KYAT3: variants seen among roughly 807,000 people sequenced by gnomAD.
The protein encoded by KYAT3 is kynurenine--oxoglutarate transaminase 3.
In KYAT3, 50 loss-of-function variants were observed where a neutral mutation model predicts 59.0. The observed-to-expected ratio is 0.85, with a 90% confidence interval of 0.68 to 1.07. The LOEUF (loss-of-function observed/expected upper bound fraction) is 1.07, where lower values mean the gene tolerates loss of function less well. Ranked by LOEUF, KYAT3 falls within the 50% of genes least tolerant of loss-of-function variation. KYAT3 has a pLI of 0.00. For missense variants in KYAT3, 497 were observed against 533.3 expected (o/e 0.93, Z 0.67); for synonymous variants, 148 against 177.0 (o/e 0.84, Z 1.30).
chr1:88,936,132 A>G lies in KYAT3; in HGVS notation c.*51T>C. Reference sequence around the variant, plus strand: ...ATCCAGCAGGTGGCAGCACTAAGTAACAATTCCATACTAGGTCATCTAACA... The same window carrying G: ...ATCCAGCAGGTGGCAGCACTAAGTAGCAATTCCATACTAGGTCATCTAACA... On this transcript the variant is annotated 3_prime_UTR_variant, in exon 14 of 14. Transcript: ENST00000260508. 1 of 1,247,760 alleles carries G rather than the reference A, an allele frequency of 8.0e-7. No homozygotes were observed. The highest frequency in any genetic ancestry group is 1.4e-5 in the South Asian group (1 of 73,598). The allele number at this position is 1,247,760 out of a possible 1,614,324, so 77.3% of individuals were successfully genotyped here. A position where few individuals can be genotyped will look rare whatever the true frequency, so the allele number is the denominator to read the frequency against.
chr1:88,928,304 C>A, the KYAT3 span, among the ~76,000 whole-genome samples: 1 of 151,818 alleles, frequency 6.6e-6, no homozygotes, highest in South Asian at 2.1e-4. Flanking sequence ...AGGCCTGGAG[C>A]AAAACTTAGA....
chr1:88,948,716 A>T (rs1161865336), intron 11 of KYAT3, among the ~76,000 whole-genome samples: 1 of 152,160 alleles, frequency 6.6e-6, no homozygotes, highest in Non-Finnish European at 1.5e-5. Context: ...ATTTCTAGAT[A>T]TTTTTCTAAT....
chr1:88,949,210 G>T lies in KYAT3; in HGVS notation c.1022C>A (p.Ser341Tyr), dbSNP rs765258924. 6.2e-7 allele frequency: 1 copy of T among 1,609,576 alleles called. No individual in the cohort carries two copies. Among genetic ancestry groups the T allele is most frequent in the Non-Finnish European group, 8.5e-7 (1 of 1,178,432 alleles). Residue 341 changes from serine to tyrosine, a missense_variant, in exon 11 of 14, where the codon TCT becomes TAT. Physicochemically the swap from Ser to Tyr is moderately radical, Grantham distance 144. Transcript: ENST00000260508. ...RMDDPECYFN[S>Y]LPKELEVKRD... ...TTTTACTTCTAACTCTTTTGGCAAA[G>T]AATTAAAGTAACATTCTGGGTCATC...
chr1:88,992,009 T>G (rs6675968), intron 1 of KYAT3, among the ~76,000 whole-genome samples: 28,022 of 147,956 alleles, frequency 0.19, 3,257 homozygotes, highest in East Asian at 0.37. Flanking sequence ...GACGGAGTCT[T>G]GCTCTGTCGC....
intron 4 of KYAT3, 117 bp from the exon 5 acceptor site, chr1:88,965,095 C>T (rs1342084142): frequency 1.4e-6 from 1 of 723,486 alleles, no homozygotes; most frequent in Admixed American, 3.5e-5. Flanking sequence ...TTTATAATTA[C>T]CCCAAGAAAA....
chr1:88,957,325 C>T (rs535271012), intron 8 of KYAT3, among the ~76,000 whole-genome samples: 1 of 152,152 alleles, frequency 6.6e-6, no homozygotes, highest in South Asian at 2.1e-4. Context: ...CAAAATACTC[C>T]AAAAGAACAC....
chr1:88,922,179 C>T, the KYAT3 span, among the ~76,000 whole-genome samples: 1 of 152,054 alleles, frequency 6.6e-6, no homozygotes, highest in Non-Finnish European at 1.5e-5. Context: ...ACCACTGCAC[C>T]ACTGCACTGT....
rs149509162 is a variant in KYAT3, at chr1:88,969,478, T to C, written c.100-11A>G. On this transcript the variant is annotated splice_polypyrimidine_tract_variant and intron_variant, in intron 2 of 13. Transcript: ENST00000260508. ...TTTCAGTGACATTTTCTGAAATATA[T>C]AAATATTGAAAAGGAATTGCCTTAG... 2.0e-6 allele frequency: 3 copies of C among 1,523,440 alleles called. No individual in the cohort carries two copies. The highest frequency in any genetic ancestry group is 1.1e-5 in the South Asian group (1 of 87,656). The allele number at this position is 1,523,440 out of a possible 1,614,324, so 94.4% of individuals were successfully genotyped here. A position where few individuals can be genotyped will look rare whatever the true frequency, so the allele number is the denominator to read the frequency against.
intron 11 of KYAT3, 68 bp downstream of exon 11, chr1:88,949,023 T>C: frequency 7.7e-7 from 1 of 1,304,996 alleles, no homozygotes; most frequent in Non-Finnish European, 1.0e-6. Flanking sequence ...CAATCTTTTC[T>C]CCATAATTCT....
chr1:88,981,856 A>G (rs888621768), intron 2 of KYAT3: 1 of 624,134 alleles, frequency 1.6e-6, no homozygotes, highest in East Asian at 1.4e-4. Context: ...AGATAAATTC[A>G]TTGCTTATCT....
At chr1:88,968,855 T>C in intron 3 of KYAT3, 41 bp from the exon 4 acceptor site, 1 of 1,465,134 alleles carries the variant, frequency 6.8e-7, no homozygotes, top group African/African-American at 1.5e-5. Flanking sequence ...AGTTCTACAA[T>C]TATAAAGTTC....
At chr1:88,955,094 AAAAT>A in intron 9 of KYAT3, 51 bp downstream of exon 9, 1 of 1,215,796 alleles carries the variant, frequency 8.2e-7, no homozygotes. Context: ...CACTCAACAA[AAAAT>A]AAATAATATA....
Position 88,953,160 on chromosome 1 carries a change from A to G in KYAT3, c.865-8T>C. 6.3e-7 allele frequency: 1 copy of G among 1,588,858 alleles called. No individual in the cohort carries two copies. Among genetic ancestry groups the G allele is most frequent in the Non-Finnish European group, 8.6e-7 (1 of 1,157,778 alleles). Reference sequence around the variant, plus strand: ...ACCAATGGACCAGCCAAGCTGGGAAAGGAAAAGATAAAAGATTTCAGAAAA... The same window carrying G: ...ACCAATGGACCAGCCAAGCTGGGAAGGGAAAAGATAAAAGATTTCAGAAAA... On this transcript the variant is annotated splice_polypyrimidine_tract_variant and splice_region_variant and intron_variant, in intron 9 of 13. Transcript: ENST00000260508.
chr1:88,983,320 T>G, intron 2 of KYAT3: 1 of 1,586,426 alleles, frequency 6.3e-7, no homozygotes, highest in Non-Finnish European at 8.6e-7. Flanking sequence ...TGCGAACTAG[T>G]CCTGAAGGTG....
intron 13 of KYAT3, among the ~76,000 whole-genome samples, chr1:88,942,682 C>CCTCCCTA (rs1675286217): frequency 6.6e-6 from 1 of 152,038 alleles, no homozygotes; most frequent in South Asian, 2.1e-4. Flanking sequence ...CCTGCCTCAG[C>CCTCCCTA]CTCCCTAGTA....
At chr1:88,940,106 A>G (rs4130217) in intron 13 of KYAT3, among the ~76,000 whole-genome samples, 5,796 of 152,074 alleles carry the variant, frequency 0.038, 319 homozygotes, top group African/African-American at 0.12. Flanking sequence ...GTCTGACTCC[A>G]TCACCCAGGC....
intron 9 of KYAT3, among the ~76,000 whole-genome samples, chr1:88,953,619 G>C (rs1054778178): frequency 6.6e-6 from 1 of 150,986 alleles, no homozygotes; most frequent in African/African-American, 2.4e-5. Flanking sequence ...TTTCAATGGT[G>C]TTCTTTTCAA....
chr1:88,937,327 C>T (rs17130657), intron 13 of KYAT3, among the ~76,000 whole-genome samples: 2 of 151,888 alleles, frequency 1.3e-5, no homozygotes, highest in East Asian at 1.9e-4. Flanking sequence ...AAGCCTGAAC[C>T]GGGAAAAGGG....
At chr1:88,983,064 A>T (rs749896696) in intron 2 of KYAT3, 1 of 1,612,562 alleles carries the variant, frequency 6.2e-7, no homozygotes, top group South Asian at 1.1e-5. Flanking sequence ...CTTGATGGAT[A>T]GTCATCACGT....
Sources: allele counts gnomAD v4.1 joint callset (sites outside exome capture counted in the v4.1 genomes callset), GRCh38; gene constraint gnomAD v4.1.1; transcripts MANE v1.5; gene names NCBI Gene and HGNC (gene_info 2026-07-23, HGNC 2026-07-21).